ZWILCH: variants seen among roughly 807,000 people sequenced by gnomAD.
ZWILCH encodes protein zwilch homolog.
A neutral mutation model predicts 79.9 loss-of-function variants in ZWILCH; 74 were observed. The ratio of observed to expected loss-of-function variants is 0.93; its 90% confidence interval spans 0.77 to 1.12. ZWILCH has a LOEUF of 1.12. Ranked by LOEUF, ZWILCH falls within the 50% of genes most tolerant of loss-of-function variation. The pLI, the probability that ZWILCH is intolerant of heterozygous loss-of-function variation, is 0.00. For missense variants in ZWILCH, 694 were observed against 687.5 expected (o/e 1.01, Z -0.11); for synonymous variants, 241 against 228.2 (o/e 1.06, Z -0.51).
chr15:66,518,878 G>A lies in ZWILCH; in HGVS notation c.321-1G>A, dbSNP rs762564835. 5.6e-6 allele frequency: 9 copies of A among 1,613,444 alleles called. No homozygotes were observed. The highest frequency in any genetic ancestry group is 7.6e-6 in the Non-Finnish European group (9 of 1,179,620). ...AATTTGTCCTTACTCTTGTTTTAAA[G>A]GCAGTTAATTGGACTTTACACCATG... On this transcript the variant is annotated splice_acceptor_variant, in intron 4 of 18. Transcript: ENST00000307897. LOFTEE classifies it high-confidence loss of function.
chr15:66,513,460 G>C (rs1401097165), intron 2 of ZWILCH, among the ~76,000 whole-genome samples: 2 of 151,986 alleles, frequency 1.3e-5, no homozygotes, highest in Non-Finnish European at 2.9e-5. Context: ...CAGCTACTGG[G>C]GAGGCTGAGA....
intron 17 of ZWILCH, among the ~76,000 whole-genome samples, chr15:66,543,314 T>C (rs903650542): frequency 2.0e-5 from 3 of 152,346 alleles, no homozygotes; most frequent in Admixed American, 2.0e-4. Flanking sequence ...GTATTGCTTA[T>C]GGTAGCAAAA....
chr15:66,528,764 C>T, intron 10 of ZWILCH, 88 bp from the exon 11 acceptor site: 1 of 1,058,798 alleles, frequency 9.4e-7, no homozygotes, highest in Non-Finnish European at 1.4e-6. Context: ...TTCATGAATC[C>T]ATAATTTCTC....
intron 14 of ZWILCH, among the ~76,000 whole-genome samples, chr15:66,535,335 A>G (rs576974924): frequency 6.6e-6 from 1 of 152,248 alleles, no homozygotes; most frequent in African/African-American, 2.4e-5. Context: ...TACAGCTACA[A>G]AGTCACTACT....
At chr15:66,511,343 C>G (rs890721600) in intron 2 of ZWILCH, among the ~76,000 whole-genome samples, 1 of 151,776 alleles carries the variant, frequency 6.6e-6, no homozygotes, top group African/African-American at 2.4e-5. Context: ...AAAAAATTAG[C>G]TGGGTGTGGT....
intron 12 of ZWILCH, among the ~76,000 whole-genome samples, 154 bp downstream of exon 12, chr15:66,529,727 C>A (rs1894803401): frequency 6.6e-6 from 1 of 152,184 alleles, no homozygotes; most frequent in African/African-American, 2.4e-5. Flanking sequence ...TCTTGTGCCC[C>A]AACATCCTCA....
intron 8 of ZWILCH, among the ~76,000 whole-genome samples, chr15:66,526,952 TGTA>T (rs1275240051): frequency 2.0e-5 from 3 of 152,212 alleles, no homozygotes; most frequent in Admixed American, 2.0e-4. Context: ...TTAAGTCCTC[TGTA>T]GCACCTATGC....
chr15:66,515,745 C>T (rs1894227689), intron 4 of ZWILCH, 101 bp downstream of exon 4: 1 of 785,026 alleles, frequency 1.3e-6, no homozygotes, highest in Non-Finnish European at 2.2e-6. Context: ...TTATATCTTC[C>T]TTCATCTCCC....
intron 17 of ZWILCH, 26 bp from the exon 18 acceptor site, chr15:66,546,565 T>C (rs1293652405): frequency 3.9e-6 from 6 of 1,552,780 alleles, no homozygotes; most frequent in Non-Finnish European, 5.3e-6. Context: ...TAAGCAATTC[T>C]GATCTCACTC....
rs1895488348 is a variant in ZWILCH, at chr15:66,548,925, TC to T, written c.*603del. 6.1e-6 allele frequency: 1 copy of T among 162,808 alleles called. No homozygotes were observed. The highest frequency in any genetic ancestry group is 2.4e-5 in the African/African-American group (1 of 41,900). The allele number at this position is 162,808 out of a possible 1,614,324, so 10.1% of individuals were successfully genotyped here. A position where few individuals can be genotyped will look rare whatever the true frequency, so the allele number is the denominator to read the frequency against. On this transcript the variant is annotated 3_prime_UTR_variant, in exon 19 of 19. Transcript: ENST00000307897. ...AATATTAGCAGCCATATTCCACAGT[TC>T]CTATAATTTTTACTGGGGGGGATTT...
chr15:66,540,595 G>T (rs1895162409), intron 17 of ZWILCH, among the ~76,000 whole-genome samples: 1 of 150,222 alleles, frequency 6.7e-6, no homozygotes, highest in Admixed American at 6.7e-5. Flanking sequence ...TACTGGAATG[G>T]ATTATTATTA....
intron 16 of ZWILCH, 38 bp downstream of exon 16, chr15:66,537,301 T>C: frequency 1.4e-6 from 2 of 1,451,628 alleles, no homozygotes; most frequent in Non-Finnish European, 9.6e-7. Context: ...CTCATGCCTG[T>C]AATCCTAGCA....
Position 66,537,264 on chromosome 15 carries a change from G to A in ZWILCH, c.1574+1G>A. 6.2e-7 allele frequency: 1 copy of A among 1,611,094 alleles called. No individual in the cohort carries two copies. The highest frequency in any genetic ancestry group is 1.1e-5 in the South Asian group (1 of 90,938). ...CTGCTGTAAAGAACTTATATCAAAG[G>A]TAAGCAATTTTTGCTAGGCATGGTG... is the stretch of plus-strand genomic sequence containing the variant. On this transcript the variant is annotated splice_donor_variant, in intron 16 of 18. Transcript: ENST00000307897. LOFTEE classifies it high-confidence loss of function.
At chr15:66,517,415 TGC>T (rs1567042595) in intron 4 of ZWILCH, among the ~76,000 whole-genome samples, 5 of 47,750 alleles carry the variant, frequency 1.0e-4, no homozygotes, top group African/African-American at 2.8e-4. Context: ...TGTTTGTGTG[TGC>T]GTGTGTGTGT....
At chr15:66,522,560 G>A (rs748588011) in intron 7 of ZWILCH, among the ~76,000 whole-genome samples, 6 of 151,736 alleles carry the variant, frequency 4.0e-5, no homozygotes, top group Non-Finnish European at 7.4e-5. Context: ...GGCTGGTCTC[G>A]AAATCCCAAA....
At position 66,548,316 on chromosome 15, in the gene ZWILCH, C is replaced by T. The variant is rs114255519; in HGVS notation, c.*27-35C>T. On this transcript the variant is annotated intron_variant, in intron 18 of 18. Coordinates refer to ENST00000307897, the MANE Select transcript of ZWILCH (RefSeq NM_017975.5). ...TTACAAGTGTTTTTTTTTTTAATTTCTGCTTATTTTTATTTTCTAATTCTT... is the reference window on the plus strand; with the variant it reads ...TTACAAGTGTTTTTTTTTTTAATTTTTGCTTATTTTTATTTTCTAATTCTT... 541 of 381,886 alleles carry T rather than the reference C, an allele frequency of 1.4e-3. 1 individual carries two copies. Among genetic ancestry groups the T allele is most frequent in the African/African-American group, 0.01 (486 of 47,930 alleles). The allele number at this position is 381,886 out of a possible 1,614,324, so 23.7% of individuals were successfully genotyped here.
chr15:66,508,980 C>T (rs1893927604), intron 2 of ZWILCH, 88 bp downstream of exon 2: 2 of 1,438,966 alleles, frequency 1.4e-6, no homozygotes, highest in South Asian at 1.2e-5. Flanking sequence ...TGCTCTGTTA[C>T]CCAGGCTGGA....
In ZWILCH at chr15:66,550,128, T is replaced by C; in HGVS notation, c.*1804T>C. On this transcript the variant is annotated 3_prime_UTR_variant, in exon 19 of 19. Transcript: ENST00000307897. ...ACCTAATAAAAACCCACTTGATAAG[T>C]AATGTTGTCTTAGACTAATTTTTTG... 6.6e-7 allele frequency: 1 copy of C among 1,505,362 alleles called. No homozygotes were observed. Among genetic ancestry groups the C allele is most frequent in the Non-Finnish European group, 9.1e-7 (1 of 1,098,618 alleles). 93.3% of individuals were successfully genotyped at this position (1,505,362 alleles called of 1,614,324 possible).
chr15:66,541,909 C>T lies in ZWILCH; in HGVS notation c.1687+1699C>T, dbSNP rs148614205. Among the ~76,000 whole-genome samples, 117 of 152,194 alleles carry T rather than the reference C, an allele frequency of 7.7e-4. 2 individuals are homozygous for T. The East Asian group carries it at 0.022, about 28-fold the overall frequency. ...AATTTTTCCAGAAAATGTTTGTGCT[C>T]CTGCCCTCCCAAGTATATTCTGATT... is the stretch of plus-strand genomic sequence containing the variant. On this transcript the variant is annotated intron_variant, in intron 17 of 18. Coordinates refer to ENST00000307897, the MANE Select transcript of ZWILCH (RefSeq NM_017975.5).
Sources: allele counts gnomAD v4.1 joint callset (sites outside exome capture counted in the v4.1 genomes callset), GRCh38; gene constraint gnomAD v4.1.1; transcripts MANE v1.5; gene names NCBI Gene and HGNC (gene_info 2026-07-23, HGNC 2026-07-21).